The following PCMTD1 variants were observed in gnomAD, a reference collection of about 807,000 sequenced individuals.
PCMTD1 encodes protein-L-isoaspartate (D-aspartate) O-methyltransferase domain containing 1, also known as protein-L-isoaspartate O-methyltransferase domain-containing protein 1.
A neutral mutation model predicts 37.6 loss-of-function variants in PCMTD1; 12 were observed. The observed-to-expected ratio is 0.32, with a 90% CI of 0.20 to 0.52. The LOEUF (loss-of-function observed/expected upper bound fraction) is 0.52, where lower values mean the gene tolerates loss of function less well. PCMTD1 is among the 20% of genes least tolerant of loss of function. The pLI is 0.97. For synonymous variants in PCMTD1, 117 were observed against 135.8 expected (o/e 0.86, Z 0.96); for missense variants, 235 against 421.3 (o/e 0.56, Z 3.87).
At chr8:51,826,280 C>G (rs777786335) in intron 5 of PCMTD1, among the ~76,000 whole-genome samples, 3 of 152,180 alleles carry the variant, frequency 2.0e-5, no homozygotes, top group Non-Finnish European at 2.9e-5. Flanking sequence ...AAACCAAACA[C>G]TGCATGTTCT....
chr8:51,879,948 C>T (rs1336945167), intron 1 of PCMTD1, among the ~76,000 whole-genome samples: 6 of 151,402 alleles, frequency 4.0e-5, no homozygotes, highest in Non-Finnish European at 8.8e-5. Flanking sequence ...CTTGGAATGC[C>T]AAGGCTGGAG....
chr8:51,897,369 C>T (rs2039019106), intron 1 of PCMTD1, among the ~76,000 whole-genome samples: 1 of 152,164 alleles, frequency 6.6e-6, no homozygotes, highest in African/African-American at 2.4e-5. Context: ...TATTTAATCC[C>T]TGTTGCTTTT....
chr8:51,838,822 ATAC>A (rs2038104076), intron 3 of PCMTD1, among the ~76,000 whole-genome samples: 1 of 152,186 alleles, frequency 6.6e-6, no homozygotes, highest in Non-Finnish European at 1.5e-5. Context: ...TCACAAAATA[ATAC>A]TACACTATTT....
chr8:51,850,266 A>G (rs1289118250), intron 2 of PCMTD1, among the ~76,000 whole-genome samples: 5 of 152,204 alleles, frequency 3.3e-5, no homozygotes, highest in Non-Finnish European at 7.3e-5. Context: ...AATGTAATCG[A>G]CAAACTGTTG....
intron 1 of PCMTD1, among the ~76,000 whole-genome samples, chr8:51,897,337 C>G (rs1247566954): frequency 3.3e-5 from 5 of 152,198 alleles, no homozygotes; most frequent in Non-Finnish European, 7.3e-5. Context: ...CCAGTTTACT[C>G]CCTATAGCTT....
chr8:51,899,137 C>A (rs1004462852), upstream of PCMTD1: 2 of 1,367,952 alleles, frequency 1.5e-6, no homozygotes, highest in South Asian at 3.2e-5. Flanking sequence ...GGCACAGGGG[C>A]AGCTCCCCGC....
At position 51,817,617 on chromosome 8, in the gene PCMTD1, T is replaced by C. The variant is rs1585772116; in HGVS notation, c.*2734A>G. 1 of 201,836 alleles carries C rather than the reference T, an allele frequency of 5.0e-6. No individual in the cohort carries two copies. Among genetic ancestry groups the C allele is most frequent in the East Asian group, 1.5e-4 (1 of 6,858 alleles). 12.5% of individuals were successfully genotyped at this position (201,836 alleles called of 1,614,324 possible). On this transcript the variant is annotated 3_prime_UTR_variant, in exon 6 of 6. Transcript: ENST00000522514. Reference sequence around the variant, plus strand: ...TGTAATTGTTTATTTAAAATAATTTTCCAAGTCTTCCAATGATTTAACAGG... The same window carrying C: ...TGTAATTGTTTATTTAAAATAATTTCCCAAGTCTTCCAATGATTTAACAGG...
intron 1 of PCMTD1, among the ~76,000 whole-genome samples, chr8:51,875,203 G>A (rs1261260587): frequency 6.6e-6 from 1 of 152,092 alleles, no homozygotes; most frequent in Admixed American, 6.5e-5. Context: ...ATGACAGCTT[G>A]TAGAACATTT....
intron 2 of PCMTD1, chr8:51,849,625 T>A (rs1319414812): frequency 6.5e-6 from 1 of 153,452 alleles, no homozygotes; most frequent in Non-Finnish European, 1.5e-5. Flanking sequence ...CCCCCATTGA[T>A]AACAATAACA....
chr8:51,874,964 C>A (rs983583206), intron 1 of PCMTD1, among the ~76,000 whole-genome samples: 1 of 152,124 alleles, frequency 6.6e-6, no homozygotes, highest in Non-Finnish European at 1.5e-5. Context: ...GAAATTGAGC[C>A]TCAGCAGTTG....
Position 51,891,768 on chromosome 8 carries a change from C to G in PCMTD1, c.-96+7162G>C, listed in dbSNP as rs2038940042. On this transcript the variant is annotated intron_variant, in intron 1 of 5. Transcript: ENST00000522514. ...TAACCTGATAAACTAGCTACAGAGG[C>G]TAAATAGGTAGTACAGTTTACACAA... is the stretch of plus-strand genomic sequence containing the variant. 6.6e-5 allele frequency among the ~76,000 whole-genome samples: 10 copies of G among 150,470 alleles called. No homozygotes were observed. In the Admixed American group the frequency reaches 6.6e-4, roughly 10 times the overall value.
intron 3 of PCMTD1, chr8:51,839,513 C>T (rs1000297275): frequency 6.1e-6 from 6 of 985,258 alleles, no homozygotes; most frequent in Admixed American, 6.2e-5. Context: ...CAGATGATTT[C>T]GTTCACAGCA....
rs149190192 is a variant in PCMTD1, at chr8:51,865,705, C to T, written c.-95-4459G>A. Among the ~76,000 whole-genome samples, 3 of 151,796 alleles carry T rather than the reference C, an allele frequency of 2.0e-5. No individual in the cohort carries two copies. The East Asian group carries it at 5.8e-4, about 29-fold the overall frequency. ...CATAATAAAGGCTATTATGAAAATC[C>T]CACAACAAACATACTCAATGATGAA... On this transcript the variant is annotated intron_variant, in intron 1 of 5. Transcript: ENST00000522514.
intron 5 of PCMTD1, chr8:51,827,022 G>T: frequency 1.0e-6 from 1 of 965,780 alleles, no homozygotes; most frequent in Non-Finnish European, 1.2e-6. Context: ...GGGATTTTTG[G>T]AGTCGCGTTC....
chr8:51,873,575 T>C (rs567547857), intron 1 of PCMTD1, among the ~76,000 whole-genome samples: 2 of 152,168 alleles, frequency 1.3e-5, no homozygotes, highest in Admixed American at 1.3e-4. Flanking sequence ...AAATCCCATG[T>C]TGAACTGTAA....
chr8:51,869,217 A>G (rs1477907884), intron 1 of PCMTD1, among the ~76,000 whole-genome samples: 1 of 152,174 alleles, frequency 6.6e-6, no homozygotes, highest in Non-Finnish European at 1.5e-5. Flanking sequence ...AATTTTTTTT[A>G]TGAAAGTAAA....
chr8:51,850,142 C>T (rs992395880), intron 2 of PCMTD1: 60 of 699,668 alleles, frequency 8.6e-5, no homozygotes, highest in Middle Eastern at 6.9e-4. Flanking sequence ...CTTCCAATCC[C>T]AATTCCTCCT....
At chr8:51,890,358 C>T (rs1363502557) in intron 1 of PCMTD1, among the ~76,000 whole-genome samples, 2 of 152,130 alleles carry the variant, frequency 1.3e-5, no homozygotes, top group Admixed American at 6.5e-5. Context: ...GAGTGACTGC[C>T]TTTGCATGTT....
chr8:51,817,763 T>G lies in PCMTD1; in HGVS notation c.*2588A>C. On this transcript the variant is annotated 3_prime_UTR_variant, in exon 6 of 6. Transcript: ENST00000522514. ...TTTATTAATACTAGAACCAAATATA[T>G]TGACCAATAAGCAGTATAGATTTAA... The G allele has an allele frequency of 2.3e-6, 1 of 440,928 alleles. No individual in the cohort carries two copies. The highest frequency in any genetic ancestry group is 4.5e-6 in the Non-Finnish European group (1 of 220,962). 27.3% of individuals were successfully genotyped at this position (440,928 alleles called of 1,614,324 possible). A position where few individuals can be genotyped will look rare whatever the true frequency, so the allele number is the denominator to read the frequency against.
Sources: allele counts gnomAD v4.1 joint callset (sites outside exome capture counted in the v4.1 genomes callset), GRCh38; gene constraint gnomAD v4.1.1; transcripts MANE v1.5; gene names NCBI Gene and HGNC (gene_info 2026-07-23, HGNC 2026-07-21).